Variants in GMFB observed in about 807,000 individuals in gnomAD.
GMFB encodes the protein glia maturation factor beta, also known as GMF-beta.
GMFB carries 13 observed loss-of-function variants against 25.6 expected under a neutral mutation model. The ratio of observed to expected loss-of-function variants is 0.51; its 90% confidence interval spans 0.33 to 0.81. GMFB has a LOEUF of 0.81. GMFB is among the 30% of genes least tolerant of loss of function. The pLI, the probability that GMFB is intolerant of heterozygous loss-of-function variation, is 0.02. For synonymous variants in GMFB, 57 were observed against 56.9 expected (o/e 1.00, Z 0.00); for missense variants, 146 against 175.4 (o/e 0.83, Z 0.95).
intron 1 of GMFB, among the ~76,000 whole-genome samples, chr14:54,486,782 CT>C (rs1566498601): frequency 6.6e-6 from 1 of 150,838 alleles, no homozygotes; most frequent in Non-Finnish European, 1.5e-5. Context: ...GGTTAAGTAT[CT>C]TTCCCCAATT....
Position 54,488,931 on chromosome 14 carries a change from C to T in GMFB, c.-4G>A. The T allele has an allele frequency of 6.4e-7, 1 of 1,561,700 alleles. No individual in the cohort carries two copies. The highest frequency in any genetic ancestry group is 8.6e-7 in the Non-Finnish European group (1 of 1,157,248). On this transcript the variant is annotated 5_prime_UTR_variant, in exon 1 of 7. Coordinates refer to ENST00000358056, the MANE Select transcript of GMFB (RefSeq NM_004124.3). ...CCTCCCAGCGGCAACTCACCATTTT[C>T]CTTCCGGCCGTCAGCGGCCTGTCGC...
intron 6 of GMFB, chr14:54,478,963 G>A (rs17127595): frequency 0.15 from 22,670 of 152,108 alleles, 1,891 homozygotes; most frequent in African/African-American, 0.21. Flanking sequence ...CACCCAAACC[G>A]TTAGAGCAAC....
At position 54,483,732 on chromosome 14, in the gene GMFB, A is replaced by C; in HGVS notation, c.39T>G (p.Asp13Glu). Residue 13 changes from aspartate to glutamate, a missense_variant, in exon 2 of 7, where the codon GAT becomes GAG. Physicochemically the swap from Asp to Glu is conservative, Grantham distance 45. Coordinates refer to ENST00000358056, the MANE Select transcript of GMFB (RefSeq NM_004124.3). ...ESLVVCDVAE[D>E]LVEKLRKFRF... is the part of the protein sequence containing the mutation. ...GAAACTTTCTCAGCTTTTCCACTAA[A>C]TCTTCGGCAACATCACAAACAACCA... 2 of 1,610,416 alleles carry C rather than the reference A, an allele frequency of 1.2e-6. No individual in the cohort carries two copies. Among genetic ancestry groups the C allele is most frequent in the Non-Finnish European group, 1.7e-6 (2 of 1,176,878 alleles).
chr14:54,488,856 G>C (rs2031826259), intron 1 of GMFB, 69 bp downstream of exon 1: 1 of 1,425,046 alleles, frequency 7.0e-7, no homozygotes, highest in Admixed American at 2.1e-5. Context: ...GCCGGCTCCG[G>C]AAACCGGGAA....
At chr14:54,478,835 A>G (rs1027759418) in intron 6 of GMFB, 2 of 152,156 alleles carry the variant, frequency 1.3e-5, no homozygotes, top group African/African-American at 4.8e-5. Context: ...GGCTGTTGTA[A>G]GGATTCAATG....
rs777998302 is a variant in GMFB, at chr14:54,482,223, G to A, written c.101-21C>T. 3 of 1,550,922 alleles carry A rather than the reference G, an allele frequency of 1.9e-6. No homozygotes were observed. The South Asian group carries it at 3.3e-5, about 17-fold the overall frequency. On this transcript the variant is annotated intron_variant, in intron 2 of 6. Coordinates refer to ENST00000358056, the MANE Select transcript of GMFB (RefSeq NM_004124.3). ...CTTCACTAAAATAAAAATCAAGTAT[G>A]AGTAAGCTGGGATTCTAATGTGACC... is the stretch of plus-strand genomic sequence containing the variant.
chr14:54,479,860 C>A lies in GMFB; in HGVS notation c.284-1G>T. On this transcript the variant is annotated splice_acceptor_variant, in intron 5 of 6. Coordinates refer to ENST00000358056, the MANE Select transcript of GMFB (RefSeq NM_004124.3). LOFTEE classifies it high-confidence loss of function. ...ATCATCTGTTGTTCAGGCTTACATC[C>A]TGGAAAAGAGAGATTAGTGTAGAAA... 6.3e-7 allele frequency: 1 copy of A among 1,580,580 alleles called. No individual in the cohort carries two copies.
chr14:54,483,849 T>C, intron 1 of GMFB, 82 bp from the exon 2 acceptor site: 1 of 776,104 alleles, frequency 1.3e-6, no homozygotes, highest in South Asian at 1.4e-5. Context: ...AATACCTTTA[T>C]AATGCATACT....
chr14:54,480,229 T>C (rs889520735), intron 5 of GMFB: 9 of 176,320 alleles, frequency 5.1e-5, no homozygotes, highest in Non-Finnish European at 8.3e-5. Context: ...AGTGGACCAG[T>C]AGGGCAGGGA....
chr14:54,479,770 C>A lies in GMFB; in HGVS notation c.357+16G>T. On this transcript the variant is annotated intron_variant, in intron 6 of 6. Coordinates refer to ENST00000358056, the MANE Select transcript of GMFB (RefSeq NM_004124.3). ...GAAAATATTGTCTCAACAAGTCAGTCAAATATAAATACCACCTTGGTTAGT... is the reference window on the plus strand; with the variant it reads ...GAAAATATTGTCTCAACAAGTCAGTAAAATATAAATACCACCTTGGTTAGT... 1 of 1,478,768 alleles carries A rather than the reference C, an allele frequency of 6.8e-7. No individual in the cohort carries two copies. The highest frequency in any genetic ancestry group is 1.1e-5 in the South Asian group (1 of 88,106). The allele number at this position is 1,478,768 out of a possible 1,614,324, so 91.6% of individuals were successfully genotyped here.
intron 2 of GMFB, among the ~76,000 whole-genome samples, chr14:54,482,568 C>T (rs1352375736): frequency 6.6e-6 from 1 of 152,180 alleles, no homozygotes; most frequent in African/African-American, 2.4e-5. Context: ...ATGGTCAGAA[C>T]TGCAAGGGAA....
intron 5 of GMFB, 81 bp from the exon 6 acceptor site, chr14:54,479,940 T>C (rs1290122141): frequency 1.2e-6 from 1 of 826,392 alleles, no homozygotes; most frequent in Non-Finnish European, 2.0e-6. Flanking sequence ...TTTTTTAAAA[T>C]GACACATTTA....
chr14:54,474,963 A>C lies in GMFB; in HGVS notation c.*3125T>G, dbSNP rs1198871887. ...AAATACAAAATAAGATTTGTCCAGA[A>C]ATGTTTGAAACACATCCTCACAAAA... On this transcript the variant is annotated 3_prime_UTR_variant, in exon 7 of 7. Coordinates refer to ENST00000358056, the MANE Select transcript of GMFB (RefSeq NM_004124.3). The C allele has an allele frequency of 6.6e-6, 1 of 152,592 alleles. No individual in the cohort carries two copies. Among genetic ancestry groups the C allele is most frequent in the Admixed American group, 6.5e-5 (1 of 15,274 alleles). The allele number at this position is 152,592 out of a possible 1,614,324, so 9.5% of individuals were successfully genotyped here.
chr14:54,482,023 T>A, intron 3 of GMFB, 130 bp downstream of exon 3: 1 of 640,438 alleles, frequency 1.6e-6, no homozygotes, highest in Non-Finnish European at 2.8e-6. Context: ...AGCACATGCT[T>A]TTATGCATAA....
rs747770460 is a variant in GMFB at position 54,483,707 on chromosome 14, G to T, written c.64C>A (p.Arg22Ser). 6.2e-7 allele frequency: 1 copy of T among 1,608,602 alleles called. No individual in the cohort carries two copies. Among genetic ancestry groups the T allele is most frequent in the Non-Finnish European group, 8.5e-7 (1 of 1,175,424 alleles). Residue 22 changes from arginine to serine, a missense_variant, in exon 2 of 7, where the codon CGT becomes AGT. Physicochemically the swap from Arg to Ser is moderately radical, Grantham distance 110 (BLOSUM62 -1). Coordinates refer to ENST00000358056, the MANE Select transcript of GMFB (RefSeq NM_004124.3). ...EDLVEKLRKF[R>S]FRKETNNAAI... ...GCGTTGTTCGTTTCTTTGCGAAAAC[G>T]AAACTTTCTCAGCTTTTCCACTAAA...
intron 1 of GMFB, 45 bp downstream of exon 1, chr14:54,488,880 G>T: frequency 6.5e-7 from 1 of 1,533,404 alleles, no homozygotes; most frequent in Non-Finnish European, 8.8e-7. Flanking sequence ...CCGGCTGGCC[G>T]GCTCGCCCAG....
Position 54,475,061 on chromosome 14 carries a change from A to ACT in GMFB, c.*3026_*3027insAG. On this transcript the variant is annotated 3_prime_UTR_variant, in exon 7 of 7. Transcript: ENST00000358056. Reference sequence around the variant, plus strand: ...AACAAATAGGGAAAGCAACCATAGTAAGAATACTTGAATTGATAGAATATG... The same window carrying ACT: ...AACAAATAGGGAAAGCAACCATAGTACTAGAATACTTGAATTGATAGAATATG... The ACT allele has an allele frequency of 6.6e-6, 1 of 152,638 alleles. No homozygotes were observed. The highest frequency in any genetic ancestry group is 1.5e-5 in the Non-Finnish European group (1 of 68,006). The allele number at this position is 152,638 out of a possible 1,614,324, so 9.5% of individuals were successfully genotyped here.
chr14:54,482,084 C>A lies in GMFB; in HGVS notation c.150+69G>T, dbSNP rs1418041138. The A allele has an allele frequency of 7.1e-6, 7 of 984,346 alleles. No individual in the cohort carries two copies. The East Asian group carries it at 1.7e-4, about 24-fold the overall frequency. The allele number at this position is 984,346 out of a possible 1,614,324, so 61.0% of individuals were successfully genotyped here. ...AGATTCGTTTTAGAAGCATATGTAACTAATATAGCATCTTTTGAGAAATAA... is the reference window on the plus strand; with the variant it reads ...AGATTCGTTTTAGAAGCATATGTAAATAATATAGCATCTTTTGAGAAATAA... On this transcript the variant is annotated intron_variant, in intron 3 of 6. Transcript: ENST00000358056.
At chr14:54,483,080 CT>C (rs2140034107) in intron 2 of GMFB, 1 of 152,438 alleles carries the variant, frequency 6.6e-6, no homozygotes, top group East Asian at 1.9e-4. Context: ...CCTCATCTTT[CT>C]AAATCACTAC....
Sources: allele counts gnomAD v4.1 joint callset (sites outside exome capture counted in the v4.1 genomes callset), GRCh38; gene constraint gnomAD v4.1.1; transcripts MANE v1.5; gene names NCBI Gene and HGNC (gene_info 2026-07-23, HGNC 2026-07-21).